The following NCKAP1 variants were observed in gnomAD, a reference collection of about 807,000 sequenced individuals.
NCKAP1 encodes the protein nck-associated protein 1.
NCKAP1 carries 21 observed loss-of-function variants against 151.2 expected under a neutral mutation model. That is an observed-to-expected ratio of 0.14 (90% CI 0.10 to 0.20). The LOEUF is 0.20. Among genes scored for constraint, NCKAP1 ranks in the 10% least tolerant of loss-of-function variants. The pLI, the probability that NCKAP1 is intolerant of heterozygous loss-of-function variation, is 1.00. For missense variants in NCKAP1, 933 were observed against 1,352.1 expected (o/e 0.69, Z 4.86); for synonymous variants, 484 against 451.8 (o/e 1.07, Z -0.90).
chr2:182,952,622 T>C (rs1031338664), intron 22 of NCKAP1, 120 bp from the exon 23 acceptor site: 77 of 1,094,990 alleles, frequency 7.0e-5, no homozygotes, highest in Non-Finnish European at 8.8e-5. Flanking sequence ...TAAAAGTCTC[T>C]AGAGTGAAAG....
intron 24 of NCKAP1, among the ~76,000 whole-genome samples, chr2:182,936,261 T>A (rs1479096613): frequency 6.6e-6 from 1 of 151,730 alleles, no homozygotes; most frequent in Non-Finnish European, 1.5e-5. Flanking sequence ...TAAAAAAAAA[T>A]AAAACTCTGT....
At chr2:182,970,558 T>C (rs899714995) in intron 15 of NCKAP1, among the ~76,000 whole-genome samples, 1 of 152,062 alleles carries the variant, frequency 6.6e-6, no homozygotes, top group Non-Finnish European at 1.5e-5. Flanking sequence ...GAAGAAAACA[T>C]AGCTCTTAAA....
chr2:182,964,642 T>C (rs1697527038), intron 17 of NCKAP1, 34 bp downstream of exon 17: 1 of 1,491,388 alleles, frequency 6.7e-7, no homozygotes, highest in African/African-American at 1.4e-5. Flanking sequence ...TTACTTTGCA[T>C]ACCATATAAC....
At chr2:182,954,932 C>CAA (rs1262473867) in intron 20 of NCKAP1, among the ~76,000 whole-genome samples, 2 of 151,978 alleles carry the variant, frequency 1.3e-5, no homozygotes, top group African/African-American at 4.8e-5. Flanking sequence ...AGACTGTTTA[C>CAA]AAGGAAAACA....
intron 2 of NCKAP1, among the ~76,000 whole-genome samples, chr2:183,013,345 TAC>T (rs1324096388): frequency 6.6e-6 from 1 of 152,122 alleles, no homozygotes; most frequent in African/African-American, 2.4e-5. Context: ...TTCACTGTAC[TAC>T]TCCCACTGCA....
At chr2:183,014,607 G>A (rs889958751) in intron 2 of NCKAP1, among the ~76,000 whole-genome samples, 2 of 152,062 alleles carry the variant, frequency 1.3e-5, no homozygotes, top group Admixed American at 1.3e-4. Context: ...AAATATTCTT[G>A]GCCAAGATGA....
At chr2:182,967,915 G>A (rs543653335) in intron 15 of NCKAP1, among the ~76,000 whole-genome samples, 32 of 152,174 alleles carry the variant, frequency 2.1e-4, no homozygotes, top group Non-Finnish European at 4.3e-4. Flanking sequence ...AGGTTGTGGG[G>A]AAAAAAATTC....
intron 1 of NCKAP1, 44 bp from the exon 2 acceptor site, chr2:183,023,960 T>C (rs2105894546): frequency 7.5e-7 from 1 of 1,330,142 alleles, no homozygotes; most frequent in Non-Finnish European, 1.1e-6. Context: ...GCACCCTTCT[T>C]CTAAAATCAA....
intron 23 of NCKAP1, among the ~76,000 whole-genome samples, chr2:182,947,865 TTTC>T (rs1424017346): frequency 3.3e-5 from 5 of 152,138 alleles, no homozygotes; most frequent in South Asian, 2.1e-4. Context: ...ATCTGTAGGA[TTTC>T]TTATGTAATA....
At chr2:182,952,355 T>G in intron 23 of NCKAP1, 50 bp downstream of exon 23, 1 of 1,218,118 alleles carries the variant, frequency 8.2e-7, no homozygotes. Context: ...CCCTGAAATG[T>G]TTTTCAGGAA....
Position 182,978,926 on chromosome 2 carries a change from A to C in NCKAP1, c.1342-11T>G. 6.3e-7 allele frequency: 1 copy of C among 1,585,798 alleles called. No homozygotes were observed. The highest frequency in any genetic ancestry group is 8.6e-7 in the Non-Finnish European group (1 of 1,156,854). On this transcript the variant is annotated splice_polypyrimidine_tract_variant and intron_variant, in intron 13 of 30. Coordinates refer to ENST00000361354, the MANE Select transcript of NCKAP1 (RefSeq NM_013436.5). The stretch of plus-strand genomic sequence containing the variant: ...GCAAACAGAAAGATTCTGAAAAACA[A>C]ACAAAAAGTAACGTTAAAAACATCT...
At position 182,953,306 on chromosome 2, in the gene NCKAP1, T is replaced by G. The variant is rs1252764607; in HGVS notation, c.2179A>C (p.Asn727His). ...TTTGCAATTTCCTGTGTGGCTTGAT[T>G]ATACATAGTCATCCCAACAATTGAC... The part of the protein sequence containing the change: ...TKSIVGMTMY[N>H]QATQEIAKPS... Residue 727 changes from asparagine to histidine, a missense_variant, in exon 21 of 31, where the codon AAT becomes CAT. Physicochemically the swap from Asn to His is moderately conservative, Grantham distance 68 (BLOSUM62 1). Around this residue, in one of 2 missense-constraint regions of NCKAP1, gnomAD observed 326 missense variants for 557.1 expected, o/e 0.59. Coordinates refer to ENST00000361354, the MANE Select transcript of NCKAP1 (RefSeq NM_013436.5). 1 of 1,613,086 alleles carries G rather than the reference T, an allele frequency of 6.2e-7. No individual in the cohort carries two copies. Among genetic ancestry groups the G allele is most frequent in the South Asian group, 1.1e-5 (1 of 90,988 alleles).
chr2:183,037,795 G>A (rs1258346992), intron 1 of NCKAP1, among the ~76,000 whole-genome samples, 197 bp downstream of exon 1: 1 of 151,956 alleles, frequency 6.6e-6, no homozygotes, highest in Non-Finnish European at 1.5e-5. Flanking sequence ...CGGCCGGCCG[G>A]CGAACCACAG....
rs914719861 is a variant in NCKAP1 at position 182,946,106 on chromosome 2, A to T, written c.2602-3943T>A. 5.9e-5 allele frequency among the ~76,000 whole-genome samples: 9 copies of T among 152,282 alleles called. No individual in the cohort carries two copies. The East Asian group carries it at 1.3e-3, about 23-fold the overall frequency. Reference sequence around the variant, plus strand: ...TTTCACTTAAAAATGGGAGCTAAACATCAAGTACACATAGATAGTGCAGTG... The same window carrying T: ...TTTCACTTAAAAATGGGAGCTAAACTTCAAGTACACATAGATAGTGCAGTG... On this transcript the variant is annotated intron_variant, in intron 23 of 30. Coordinates refer to ENST00000361354, the MANE Select transcript of NCKAP1 (RefSeq NM_013436.5).
At chr2:183,015,852 TGGATAA>T (rs1698673702) in intron 2 of NCKAP1, among the ~76,000 whole-genome samples, 1 of 140,004 alleles carries the variant, frequency 7.1e-6, no homozygotes, top group African/African-American at 2.6e-5. Flanking sequence ...AAAGGACAAA[TGGATAA>T]ATAACCAAGG....
intron 21 of NCKAP1, 81 bp downstream of exon 21, chr2:182,953,032 C>T (rs1027151056): frequency 1.1e-5 from 17 of 1,480,588 alleles, no homozygotes; most frequent in Non-Finnish European, 1.5e-5. Flanking sequence ...TGAATAAGTA[C>T]TTATTCACAA....
intron 15 of NCKAP1, among the ~76,000 whole-genome samples, chr2:182,976,492 G>A (rs931367885): frequency 2.6e-5 from 4 of 152,154 alleles, no homozygotes; most frequent in South Asian, 2.1e-4. Context: ...TCATGATGAC[G>A]GAGACTATAT....
chr2:183,026,790 A>G (rs562014579), intron 1 of NCKAP1, among the ~76,000 whole-genome samples: 27 of 152,286 alleles, frequency 1.8e-4, no homozygotes, highest in African/African-American at 5.8e-4. Flanking sequence ...ATTAGAAGAG[A>G]GATAAAGAAA....
intron 2 of NCKAP1, among the ~76,000 whole-genome samples, chr2:183,021,024 C>T (rs748180659): frequency 6.6e-6 from 1 of 152,072 alleles, no homozygotes; most frequent in Non-Finnish European, 1.5e-5. Context: ...TCAGGCTTTG[C>T]AAACAAAACA....
Sources: gnomAD v4.1 joint callset for allele counts (sites outside exome capture counted in the v4.1 genomes callset) on GRCh38, gnomAD v4.1.1 for gene constraint, gnomAD v4.1.1 regional missense constraint, MANE v1.5 for transcripts, NCBI Gene and HGNC (gene_info 2026-07-23, HGNC 2026-07-21) for gene names.